The following DNAH12 variants were observed in gnomAD, a reference collection of about 807,000 sequenced individuals.
DNAH12 encodes the protein dynein axonemal heavy chain 12, also known as axonemal beta dynein heavy chain 12.
In DNAH12, 285 loss-of-function variants were observed where a neutral mutation model predicts 371.5. The ratio of observed to expected loss-of-function variants is 0.77; its 90% CI spans 0.70 to 0.85. The LOEUF (loss-of-function observed/expected upper bound fraction) is 0.85. DNAH12 is among the 40% of genes least tolerant of loss of function. DNAH12 has a pLI of 0.00. For synonymous variants in DNAH12, 1,200 were observed against 1,213.0 expected (o/e 0.99, Z 0.22); for missense variants, 3,611 against 3,689.4 (o/e 0.98, Z 0.55).
rs1396343637 is a variant in DNAH12 at position 57,408,313 on chromosome 3, T to C, written c.6243A>G (p.Val2081=). ...RTHEFPPEYF[V]IGNQIVNGTM... ...TCCCATTGACTATCTGGTTCCCAATTACAAAGTACTCTGGAGGAAATTCAT... is the reference window on the plus strand; with the variant it reads ...TCCCATTGACTATCTGGTTCCCAATCACAAAGTACTCTGGAGGAAATTCAT... The change falls in exon 40 of 74, where the codon GTA becomes GTG. Residue 2081 remains valine (V), a synonymous_variant. Coordinates refer to ENST00000495027, the MANE Select transcript of DNAH12 (RefSeq NM_001366028.2). The C allele has an allele frequency of 3.2e-6, 5 of 1,550,852 alleles. No homozygotes were observed. In the East Asian group the frequency reaches 9.8e-5, roughly 30 times the overall value.
At position 57,438,918 on chromosome 3, in the gene DNAH12, C is replaced by CGAA. The variant is rs562343761; in HGVS notation, c.4546-1859_4546-1858insTTC. The stretch of plus-strand genomic sequence containing the variant: ...CAACAGAGTGAAACTCTGTCTCAGA[C>CGAA]AAAAAAAAAAAAAAGGAAAGCAACT... On this transcript the variant is annotated intron_variant, in intron 29 of 73. Coordinates refer to ENST00000495027, the MANE Select transcript of DNAH12 (RefSeq NM_001366028.2). 5.1e-4 allele frequency among the ~76,000 whole-genome samples: 48 copies of CGAA among 94,526 alleles called. 1 individual carries two copies. The highest frequency in any genetic ancestry group is 9.1e-4 in the Admixed American group (7 of 7,722). The allele number at this position is 94,526 out of a possible 152,430, so 62.0% of individuals were successfully genotyped here.
intron 60 of DNAH12, 138 bp downstream of exon 60, chr3:57,351,947 T>C: frequency 1.2e-6 from 1 of 848,680 alleles, no homozygotes; most frequent in South Asian, 2.4e-5. Flanking sequence ...GAAGCCATTG[T>C]TATCAGTGAA....
chr3:57,298,314 G>A (rs930555746), intron 70 of DNAH12, among the ~76,000 whole-genome samples: 1 of 152,166 alleles, frequency 6.6e-6, no homozygotes, highest in African/African-American at 2.4e-5. Context: ...TGGGACTTTC[G>A]GAGAAAAGAC....
Position 57,415,437 on chromosome 3 carries a change from T to C in DNAH12, c.5842A>G (p.Asn1948Asp). ...YINLSARTSA[N>D]QVQNIIMARL... Reference sequence around the variant, plus strand: ...GTCTTTAAACTAACCTGAACCTGATTGGCGCTGGTCCGTGCAGATAAGTTA... The same window carrying C: ...GTCTTTAAACTAACCTGAACCTGATCGGCGCTGGTCCGTGCAGATAAGTTA... The change falls in exon 38 of 74, where the codon AAT becomes GAT. Residue 1948 changes from asparagine (N) to aspartate (D), a missense_variant. By Grantham distance (23) the Asn-to-Asp change is conservative. Coordinates refer to ENST00000495027, the MANE Select transcript of DNAH12 (RefSeq NM_001366028.2). The C allele has an allele frequency of 2.6e-6, 4 of 1,548,674 alleles. No homozygotes were observed. The highest frequency in any genetic ancestry group is 1.4e-5 in the African/African-American group (1 of 73,016).
At chr3:57,554,780 TA>T in the DNAH12 span, among the ~76,000 whole-genome samples, 1 of 152,068 alleles carries the variant, frequency 6.6e-6, no homozygotes, top group South Asian at 2.1e-4. Flanking sequence ...CATGCCCAGC[TA>T]ATTTTTTGTA....
intron 2 of DNAH12, among the ~76,000 whole-genome samples, chr3:57,526,303 T>A (rs1229702379): frequency 3.3e-5 from 5 of 152,204 alleles, no homozygotes; most frequent in Non-Finnish European, 7.3e-5. Context: ...TGACCATCCA[T>A]GTTGTTGCAA....
chr3:57,537,923 T>C (rs571679367), intron 2 of DNAH12, among the ~76,000 whole-genome samples: 1 of 152,300 alleles, frequency 6.6e-6, no homozygotes, highest in African/African-American at 2.4e-5. Flanking sequence ...GACCTCATGA[T>C]CCGCCCGCCT....
chr3:57,451,415 G>A (rs2065751946), intron 25 of DNAH12, among the ~76,000 whole-genome samples: 1 of 152,182 alleles, frequency 6.6e-6, no homozygotes, highest in Non-Finnish European at 1.5e-5. Context: ...CAGATGGCTT[G>A]AGCCCAGGAG....
intron 2 of DNAH12, among the ~76,000 whole-genome samples, chr3:57,541,066 G>A (rs189563282): frequency 1.3e-5 from 2 of 151,218 alleles, no homozygotes; most frequent in East Asian, 2.0e-4. Flanking sequence ...TTGAGATGGA[G>A]TCTCGTTTTG....
intron 4 of DNAH12, among the ~76,000 whole-genome samples, chr3:57,515,285 T>A (rs1204930900): frequency 6.6e-6 from 1 of 152,168 alleles, no homozygotes; most frequent in Non-Finnish European, 1.5e-5. Flanking sequence ...GAGAAATGAC[T>A]GATTACAGGG....
At chr3:57,522,128 G>A (rs542665382) in intron 4 of DNAH12, among the ~76,000 whole-genome samples, 50 of 152,090 alleles carry the variant, frequency 3.3e-4, no homozygotes, top group Non-Finnish European at 6.5e-4. Flanking sequence ...GGAGGCTGAG[G>A]CAGGAGAATC....
intron 11 of DNAH12, among the ~76,000 whole-genome samples, chr3:57,494,734 T>C (rs988417877): frequency 2.6e-5 from 4 of 152,110 alleles, no homozygotes; most frequent in African/African-American, 7.2e-5. Context: ...CAGGGCCAAG[T>C]GTGGTAGCTC....
intron 37 of DNAH12, 65 bp from the exon 38 acceptor site, chr3:57,415,629 G>A: frequency 6.9e-7 from 1 of 1,445,452 alleles, no homozygotes; most frequent in Non-Finnish European, 9.2e-7. Context: ...TTCTACTAAA[G>A]GAGGCGGTAG....
At chr3:57,443,713 AAAAT>A (rs1638417378) in intron 29 of DNAH12, among the ~76,000 whole-genome samples, 1 of 152,144 alleles carries the variant, frequency 6.6e-6, no homozygotes, top group South Asian at 2.1e-4. Context: ...CCTTTAAAAA[AAAAT>A]AAAAATGAGT....
intron 69 of DNAH12, among the ~76,000 whole-genome samples, chr3:57,304,582 G>A (rs1478526864): frequency 1.3e-5 from 2 of 152,028 alleles, no homozygotes; most frequent in Non-Finnish European, 2.9e-5. Flanking sequence ...CCAAAACTCC[G>A]GCGCTGAACA....
chr3:57,383,774 A>G (rs2063446601), intron 49 of DNAH12, among the ~76,000 whole-genome samples: 2 of 149,474 alleles, frequency 1.3e-5, no homozygotes, highest in Non-Finnish European at 3.0e-5. Flanking sequence ...AAAAAAAAAA[A>G]GGAGAAAAGA....
At chr3:57,302,250 G>T (rs1165084073) in intron 69 of DNAH12, among the ~76,000 whole-genome samples, 2 of 151,970 alleles carry the variant, frequency 1.3e-5, no homozygotes, top group East Asian at 1.9e-4. Flanking sequence ...AAAATATTAG[G>T]TAAGTAATAT....
At chr3:57,389,645 T>C (rs1007238227) in intron 45 of DNAH12, among the ~76,000 whole-genome samples, 8 of 151,634 alleles carry the variant, frequency 5.3e-5, no homozygotes, top group Non-Finnish European at 1.0e-4. Context: ...ACTCCTTTTA[T>C]AGTGAAAATA....
intron 62 of DNAH12, among the ~76,000 whole-genome samples, chr3:57,327,544 G>T (rs1258394090): frequency 6.6e-6 from 1 of 151,844 alleles, no homozygotes; most frequent in Non-Finnish European, 1.5e-5. Flanking sequence ...AGAATCTCTG[G>T]GACACATTCA....
Sources: gnomAD v4.1 joint callset for allele counts (sites outside exome capture counted in the v4.1 genomes callset) on GRCh38, gnomAD v4.1.1 for gene constraint, MANE v1.5 for transcripts, NCBI Gene and HGNC (gene_info 2026-07-23, HGNC 2026-07-21) for gene names.